DENND4C: variants seen among roughly 807,000 people sequenced by gnomAD.
DENND4C encodes DENN domain-containing protein 4C.
A neutral mutation model predicts 203.0 loss-of-function variants in DENND4C; 108 were observed. The ratio of observed to expected loss-of-function variants is 0.53; its 90% CI spans 0.46 to 0.62. The LOEUF (loss-of-function observed/expected upper bound fraction) is 0.62. DENND4C is among the 20% of genes least tolerant of loss of function. The pLI, the probability that DENND4C is intolerant of heterozygous loss-of-function variation, is 0.00. For missense variants in DENND4C, 2,481 were observed against 2,301.2 expected (o/e 1.08, Z -1.60); for synonymous variants, 871 against 792.4 (o/e 1.10, Z -1.67).
At chr9:19,274,131 T>C (rs1832353150) in intron 1 of DENND4C, among the ~76,000 whole-genome samples, 1 of 152,000 alleles carries the variant, frequency 6.6e-6, no homozygotes, top group East Asian at 1.9e-4. Flanking sequence ...AAAATAATTA[T>C]GATGAGTAAA....
At chr9:19,330,416 T>C (rs1194747886) in intron 16 of DENND4C, among the ~76,000 whole-genome samples, 1 of 144,372 alleles carries the variant, frequency 6.9e-6, no homozygotes, top group African/African-American at 2.5e-5. Context: ...TTCGGCTCAC[T>C]GCAACCTCTG....
chr9:19,340,846 A>T (rs1256433306), intron 20 of DENND4C, 146 bp from the exon 21 acceptor site: 2 of 583,460 alleles, frequency 3.4e-6, no homozygotes, highest in Admixed American at 4.3e-5. Context: ...ATTATTTTTA[A>T]AATGTTCTGT....
At chr9:19,341,869 A>T (rs1397242672) in intron 21 of DENND4C, among the ~76,000 whole-genome samples, 1 of 152,166 alleles carries the variant, frequency 6.6e-6, no homozygotes, top group Non-Finnish European at 1.5e-5. Context: ...TCACGCCTGT[A>T]TTCCCAGCAC....
chr9:19,234,852 T>C (rs760856345), intron 1 of DENND4C, among the ~76,000 whole-genome samples: 10 of 152,030 alleles, frequency 6.6e-5, no homozygotes, highest in African/African-American at 1.9e-4. Context: ...CATACTTTTT[T>C]ACTCTTAAAA....
chr9:19,357,806 C>A, intron 27 of DENND4C, 159 bp from the exon 28 acceptor site: 3 of 583,042 alleles, frequency 5.1e-6, no homozygotes, highest in Non-Finnish European at 8.5e-6. Context: ...ACCAGTTTTA[C>A]AAAAATGGTT....
intron 1 of DENND4C, among the ~76,000 whole-genome samples, chr9:19,258,844 G>A (rs993803833): frequency 6.6e-6 from 1 of 151,780 alleles, no homozygotes; most frequent in African/African-American, 2.4e-5. Flanking sequence ...TATTAGAGAC[G>A]GGGTTTCACC....
At chr9:19,245,235 G>A (rs1237440744) in intron 1 of DENND4C, among the ~76,000 whole-genome samples, 2 of 151,798 alleles carry the variant, frequency 1.3e-5, no homozygotes, top group African/African-American at 2.4e-5. Flanking sequence ...TTGGGAGGCC[G>A]AGGCGGGCAG....
At chr9:19,347,322 G>A (rs1015796031) in intron 23 of DENND4C, among the ~76,000 whole-genome samples, 2 of 152,028 alleles carry the variant, frequency 1.3e-5, no homozygotes, top group Admixed American at 6.5e-5. Context: ...GTAGAGATGA[G>A]GTTTCACCAT....
At chr9:19,311,894 T>A (rs1478585410) in intron 10 of DENND4C, among the ~76,000 whole-genome samples, 1 of 152,192 alleles carries the variant, frequency 6.6e-6, no homozygotes, top group Non-Finnish European at 1.5e-5. Flanking sequence ...TTGTCAAAAT[T>A]ACAAATATAT....
intron 1 of DENND4C, among the ~76,000 whole-genome samples, chr9:19,269,428 G>A (rs1001203063): frequency 7.2e-5 from 11 of 152,094 alleles, no homozygotes; most frequent in Non-Finnish European, 1.6e-4. Context: ...CAAAATGCTG[G>A]GATTACAGGC....
chr9:19,366,793 G>T (rs562938316), intron 30 of DENND4C, among the ~76,000 whole-genome samples: 5 of 152,296 alleles, frequency 3.3e-5, no homozygotes, highest in Admixed American at 1.3e-4. Flanking sequence ...CTCCGTGTTA[G>T]TTAGGCAAGG....
At chr9:19,282,082 T>A (rs1203795818) in intron 2 of DENND4C, among the ~76,000 whole-genome samples, 1 of 152,164 alleles carries the variant, frequency 6.6e-6, no homozygotes, top group African/African-American at 2.4e-5. Flanking sequence ...AGCTTTATTA[T>A]AGCCTTTTTA....
At chr9:19,251,285 G>C (rs1032005038) in intron 1 of DENND4C, among the ~76,000 whole-genome samples, 36 of 152,220 alleles carry the variant, frequency 2.4e-4, no homozygotes, top group Non-Finnish European at 1.6e-4. Context: ...GCTGTACCTT[G>C]GCTCATTTTA....
intron 1 of DENND4C, among the ~76,000 whole-genome samples, chr9:19,257,881 G>A (rs1828374609): frequency 6.6e-6 from 1 of 152,150 alleles, no homozygotes; most frequent in Non-Finnish European, 1.5e-5. Flanking sequence ...TGTAATCCCA[G>A]CACTTTGGGA....
At chr9:19,307,226 C>T (rs1839859983) in intron 10 of DENND4C, among the ~76,000 whole-genome samples, 3 of 151,642 alleles carry the variant, frequency 2.0e-5, no homozygotes, top group South Asian at 2.1e-4. Context: ...GGTGAGACTC[C>T]ATCTACATAA....
chr9:19,266,647 G>A (rs1830561740), intron 1 of DENND4C, among the ~76,000 whole-genome samples: 1 of 152,154 alleles, frequency 6.6e-6, no homozygotes, highest in Non-Finnish European at 1.5e-5. Context: ...CAATGGAACA[G>A]AACAGAGCCC....
rs770336904 is a variant in DENND4C, at chr9:19,352,626, T to A, written c.4742T>A (p.Leu1581His). Residue 1581 changes from leucine to histidine, a missense_variant, in exon 26 of 33, where the codon CTT becomes CAT. Coordinates refer to ENST00000434457, the MANE Select transcript of DENND4C (RefSeq NM_001330640.2). ...CPFCKSNFLP[L>H]LNIEFKDLRG... ...TTCTGTAAAAGCAACTTCTTGCCTC[T>A]TCTCAATATAGAATTCAAAGATTTG... 6.2e-7 allele frequency: 1 copy of A among 1,612,502 alleles called. No individual in the cohort carries two copies. The highest frequency in any genetic ancestry group is 1.1e-5 in the South Asian group (1 of 90,846).
intron 1 of DENND4C, among the ~76,000 whole-genome samples, chr9:19,255,856 A>G (rs1385341535): frequency 6.6e-6 from 1 of 152,224 alleles, no homozygotes; most frequent in African/African-American, 2.4e-5. Context: ...TTGTTACAAC[A>G]CTATTTACTT....
At chr9:19,286,378 C>G (rs929996275) in intron 2 of DENND4C, among the ~76,000 whole-genome samples, 4 of 152,006 alleles carry the variant, frequency 2.6e-5, no homozygotes. Flanking sequence ...AAAAAATTGA[C>G]AAATTATGAA....
Sources: gnomAD v4.1 joint callset for allele counts (sites outside exome capture counted in the v4.1 genomes callset) on GRCh38, gnomAD v4.1.1 for gene constraint, MANE v1.5 for transcripts, NCBI Gene and HGNC (gene_info 2026-07-23, HGNC 2026-07-21) for gene names.